Variants in C2orf68 observed in about 807,000 individuals in gnomAD.
The protein encoded by C2orf68 is UPF0561 protein C2orf68.
In C2orf68, 15 loss-of-function variants were observed where a neutral mutation model predicts 19.1. The observed-to-expected ratio is 0.79, with a 90% CI of 0.53 to 1.21. C2orf68 has a LOEUF of 1.21. C2orf68 is among the 50% of genes most tolerant of loss of function. The pLI is 0.00. For missense variants in C2orf68, 242 were observed against 226.6 expected, an observed-to-expected ratio of 1.07 and a Z score of -0.44; for synonymous variants, 98 against 91.0, an observed-to-expected ratio of 1.08 and a Z score of -0.44.
intron 2 of C2orf68, chr2:85,611,259 G>A (rs993400786): frequency 5.8e-6 from 8 of 1,377,690 alleles, no homozygotes; most frequent in Admixed American, 6.9e-5. Context: ...AAAATTGACC[G>A]TCATATATTA....
In C2orf68 at chr2:85,608,877, C is replaced by T; in HGVS notation, c.*68G>A. On this transcript the variant is annotated 3_prime_UTR_variant, in exon 4 of 4. Transcript: ENST00000306336. ...ACAAACTGGTCCTGGTACCCCCACA[C>T]TAAATTCCCTGGGCAGAATTCTTCC... 2 of 1,590,704 alleles carry T rather than the reference C, an allele frequency of 1.3e-6. No homozygotes were observed. The highest frequency in any genetic ancestry group is 8.6e-7 in the Non-Finnish European group (1 of 1,164,692).
chr2:85,609,131 T>A (rs1558837928), intron 3 of C2orf68, 64 bp from the exon 4 acceptor site: 1 of 1,587,284 alleles, frequency 6.3e-7, no homozygotes, highest in Admixed American at 1.8e-5. Context: ...ACCTGCCCTG[T>A]CCCTAAACAC....
At chr2:85,609,316 T>G in intron 3 of C2orf68, 119 bp downstream of exon 3, 2 of 1,419,904 alleles carry the variant, frequency 1.4e-6, no homozygotes, top group Non-Finnish European at 1.9e-6. Flanking sequence ...AGGCCTAGAC[T>G]CACATGTGGA....
Position 85,606,584 on chromosome 2 carries a change from G to C in C2orf68, c.*2361C>G, listed in dbSNP as rs984618711. The C allele has an allele frequency of 1.3e-5, 2 of 152,214 alleles. No individual in the cohort carries two copies. The highest frequency in any genetic ancestry group is 2.9e-5 in the Non-Finnish European group (2 of 68,052). The allele number at this position is 152,214 out of a possible 1,614,324, so 9.4% of individuals were successfully genotyped here. ...GCTTAATGCTTAATACAGTCACACTGCATAAATTAGCTTAGAATGCTCTCT... is the reference window on the plus strand; with the variant it reads ...GCTTAATGCTTAATACAGTCACACTCCATAAATTAGCTTAGAATGCTCTCT... On this transcript the variant is annotated 3_prime_UTR_variant, in exon 4 of 4. Transcript: ENST00000306336.
At position 85,612,049 on chromosome 2, in the gene C2orf68, A is replaced by G; in HGVS notation, c.-65T>C. On this transcript the variant is annotated 5_prime_UTR_variant, in exon 1 of 4. Coordinates refer to ENST00000306336, the MANE Select transcript of C2orf68 (RefSeq NM_001013649.4). Reference sequence around the variant, plus strand: ...CCCAACAACAGCCACCCGCCCACAGAGCTCCGCGCCGCCCCTTGCTCAGCT... The same window carrying G: ...CCCAACAACAGCCACCCGCCCACAGGGCTCCGCGCCGCCCCTTGCTCAGCT... The G allele has an allele frequency of 8.1e-7, 1 of 1,227,210 alleles. No individual in the cohort carries two copies. 76.0% of individuals were successfully genotyped at this position (1,227,210 alleles called of 1,614,324 possible). A position where few individuals can be genotyped will look rare whatever the true frequency, so the allele number is the denominator to read the frequency against.
At position 85,611,280 on chromosome 2, in the gene C2orf68, T is replaced by G. The variant is rs1450427032; in HGVS notation, c.226+388A>C. The G allele has an allele frequency of 2.1e-6, 3 of 1,414,708 alleles. No homozygotes were observed. In the African/African-American group the frequency reaches 4.4e-5, roughly 21 times the overall value. 87.6% of individuals were successfully genotyped at this position (1,414,708 alleles called of 1,614,324 possible). On this transcript the variant is annotated intron_variant, in intron 2 of 3. Coordinates refer to ENST00000306336, the MANE Select transcript of C2orf68 (RefSeq NM_001013649.4). ...GACCGTCATATATTAACCAGTGTGA[T>G]CTCTAGGTAGCAGAGAAGCTGGGGA... is the stretch of plus-strand genomic sequence containing the variant.
intron 2 of C2orf68, 101 bp from the exon 3 acceptor site, chr2:85,609,687 T>C: frequency 6.8e-7 from 1 of 1,460,440 alleles, no homozygotes; most frequent in Non-Finnish European, 9.2e-7. Flanking sequence ...AAAGCCCCAG[T>C]CTTCTTTTTT....
Position 85,607,897 on chromosome 2 carries a change from C to T in C2orf68, c.*1048G>A, listed in dbSNP as rs1478510119. On this transcript the variant is annotated 3_prime_UTR_variant, in exon 4 of 4. Transcript: ENST00000306336. The stretch of plus-strand genomic sequence containing the variant: ...TCACCGGGTTAGAGCAGTGGTATTC[C>T]TGGGGATCTTTATGCTAAGGATCTG... 1 of 152,148 alleles carries T rather than the reference C, an allele frequency of 6.6e-6. No homozygotes were observed. Among genetic ancestry groups the T allele is most frequent in the Non-Finnish European group, 1.5e-5 (1 of 68,022 alleles). 9.4% of individuals were successfully genotyped at this position (152,148 alleles called of 1,614,324 possible).
intron 2 of C2orf68, chr2:85,611,270 A>G: frequency 7.1e-7 from 1 of 1,407,234 alleles, no homozygotes; most frequent in Non-Finnish European, 9.2e-7. Context: ...TCATATATTA[A>G]CCAGTGTGAT....
chr2:85,609,613 G>A (rs754429802), intron 2 of C2orf68, 27 bp from the exon 3 acceptor site: 2 of 1,612,762 alleles, frequency 1.2e-6, no homozygotes, highest in South Asian at 1.1e-5. Flanking sequence ...CAGTAAGAAA[G>A]AAGAGGGGGG....
chr2:85,611,891 T>C lies in C2orf68; in HGVS notation c.94A>G (p.Asn32Asp), dbSNP rs750452061. 1 of 1,596,332 alleles carries C rather than the reference T, an allele frequency of 6.3e-7. No homozygotes were observed. The highest frequency in any genetic ancestry group is 1.3e-5 in the African/African-American group (1 of 74,136). ...NHGFVHHIRR[N>D]QIARDDYDKK... is the part of the protein sequence containing the mutation. ...GCGGGGCGGTACCGAGCGATCTGGT[T>C]CCGTCGGATATGGTGCACGAAGCCG... Residue 32 changes from asparagine (N) to aspartate (D), a missense_variant, in exon 1 of 4, where the codon AAC becomes GAC. By Grantham distance (23) the Asn-to-Asp change is conservative. Transcript: ENST00000306336.
rs980511336 is a variant in C2orf68, at chr2:85,607,234, A to C, written c.*1711T>G. ...GTGAAATCCTATGTTCCAAGTCATC[A>C]GATCAGTTTAAGGACTAGAAGACTA... On this transcript the variant is annotated 3_prime_UTR_variant, in exon 4 of 4. Coordinates refer to ENST00000306336, the MANE Select transcript of C2orf68 (RefSeq NM_001013649.4). 1.3e-5 allele frequency: 2 copies of C among 152,240 alleles called. No individual in the cohort carries two copies. The highest frequency in any genetic ancestry group is 4.8e-5 in the African/African-American group (2 of 41,468). The allele number at this position is 152,240 out of a possible 1,614,324, so 9.4% of individuals were successfully genotyped here.
chr2:85,610,013 G>GTT (rs552989319), intron 2 of C2orf68, among the ~76,000 whole-genome samples: 6,521 of 125,100 alleles, frequency 0.052, 814 homozygotes, highest in African/African-American at 0.2. Flanking sequence ...AGTGTAAGTG[G>GTT]TTTTTTTTTT....
intron 3 of C2orf68, 95 bp from the exon 4 acceptor site, chr2:85,609,162 C>A: frequency 3.3e-6 from 5 of 1,517,580 alleles, no homozygotes; most frequent in Admixed American, 2.1e-5. Context: ...CTCCATTTAG[C>A]TCAAGGCTTT....
In C2orf68 at chr2:85,606,157, T is replaced by C. The variant is rs1308873012; in HGVS notation, c.*2788A>G. Reference sequence around the variant, plus strand: ...ATTGAATGGGCATGAGATATGCCTATCAGATTGTGTGTGTGTGCGCGTTTT... The same window carrying C: ...ATTGAATGGGCATGAGATATGCCTACCAGATTGTGTGTGTGTGCGCGTTTT... On this transcript the variant is annotated 3_prime_UTR_variant, in exon 4 of 4. Transcript: ENST00000306336. Among the ~76,000 whole-genome samples the C allele has an allele frequency of 6.6e-6, 1 of 152,202 alleles. No homozygotes were observed. The highest frequency in any genetic ancestry group is 1.5e-5 in the Non-Finnish European group (1 of 68,036).
intron 3 of C2orf68, 28 bp from the exon 4 acceptor site, chr2:85,609,095 A>G (rs1441959601): frequency 6.2e-7 from 1 of 1,612,400 alleles, no homozygotes; most frequent in Non-Finnish European, 8.5e-7. Context: ...CAGAAGGCTC[A>G]GGGCCTGGCC....
chr2:85,606,290 C>T lies in C2orf68; in HGVS notation c.*2655G>A, dbSNP rs1235030332. Among the ~76,000 whole-genome samples the T allele has an allele frequency of 6.6e-6, 1 of 152,202 alleles. No individual in the cohort carries two copies. Among genetic ancestry groups the T allele is most frequent in the African/African-American group, 2.4e-5 (1 of 41,450 alleles). ...CTGTTGCCACTGTACGCCACAGCAC[C>T]GGACAGTGTTCTTTGGGACATCTCT... On this transcript the variant is annotated 3_prime_UTR_variant, in exon 4 of 4. Coordinates refer to ENST00000306336, the MANE Select transcript of C2orf68 (RefSeq NM_001013649.4).
rs1457976427 is a variant in C2orf68, at chr2:85,609,070, A to G, written c.379-3T>C. On this transcript the variant is annotated splice_region_variant and splice_polypyrimidine_tract_variant and intron_variant, in intron 3 of 3. Coordinates refer to ENST00000306336, the MANE Select transcript of C2orf68 (RefSeq NM_001013649.4). The stretch of plus-strand genomic sequence containing the variant: ...CTCACCTTTCCTGGGTCATCACCCT[A>G]CGTGGAGGAAGAGTCAGAAGGCTCA... 2 of 1,614,044 alleles carry G rather than the reference A, an allele frequency of 1.2e-6. No homozygotes were observed. The highest frequency in any genetic ancestry group is 3.3e-5 in the Admixed American group (2 of 60,008).
chr2:85,611,634 G>A, intron 2 of C2orf68, 34 bp downstream of exon 2: 2 of 1,564,440 alleles, frequency 1.3e-6, no homozygotes, highest in Non-Finnish European at 8.7e-7. Context: ...GGAAGAGCGC[G>A]CGGGCTGGAG....
Sources: gnomAD v4.1 joint callset for allele counts (sites outside exome capture counted in the v4.1 genomes callset) on GRCh38, gnomAD v4.1.1 for gene constraint, MANE v1.5 for transcripts, NCBI Gene and HGNC (gene_info 2026-07-23, HGNC 2026-07-21) for gene names.